The following RANBP2 variants were observed in gnomAD, a reference collection of about 807,000 sequenced individuals.
RANBP2 encodes RAN binding protein 2.
RANBP2 carries 57 observed loss-of-function variants against 303.6 expected under a neutral mutation model. That is an observed-to-expected ratio of 0.19 (90% CI 0.15 to 0.23). The LOEUF (loss-of-function observed/expected upper bound fraction) is 0.23, where lower values mean the gene tolerates loss of function less well. Among genes scored for constraint, RANBP2 ranks in the 10% least tolerant of loss-of-function variants. The pLI, the probability that RANBP2 is intolerant of heterozygous loss-of-function variation, is 1.00. For synonymous variants in RANBP2, 1,167 were observed against 1,301.5 expected (o/e 0.90, Z 2.23); for missense variants, 3,138 against 3,780.8 (o/e 0.83, Z 4.46).
chr2:109,089,350 C>T, the RANBP2 span, among the ~76,000 whole-genome samples: 1 of 152,106 alleles, frequency 6.6e-6, no homozygotes, highest in East Asian at 1.9e-4. Context: ...TGCCTGTAAT[C>T]CCAGCACTTT....
the RANBP2 span, chr2:108,812,928 G>T: frequency 1.2e-6 from 2 of 1,612,974 alleles, no homozygotes; most frequent in Non-Finnish European, 1.7e-6. Context: ...AACTTACAAG[G>T]TAAGTTTGAA....
At chr2:108,854,557 GAGGTCTGTTAGACT>G in the RANBP2 span, among the ~76,000 whole-genome samples, 1 of 152,116 alleles carries the variant, frequency 6.6e-6, no homozygotes, top group South Asian at 2.1e-4. Context: ...GATCAGAATT[GAGGTCTGTTAGACT>G]ACATTAGTTG....
At chr2:108,771,612 A>G in intron 20 of RANBP2, 89 bp from the exon 21 acceptor site, 2 of 1,583,424 alleles carry the variant, frequency 1.3e-6, no homozygotes, top group Non-Finnish European at 1.7e-6. Flanking sequence ...TAACCTATAG[A>G]TAGGTTCCAT....
chr2:109,634,075 G>A, the RANBP2 span, among the ~76,000 whole-genome samples: 4,178 of 128,536 alleles, frequency 0.033, 73 homozygotes, highest in South Asian at 0.083. Context: ...AGCCGAGGTC[G>A]CGCCACTGCA....
chr2:109,467,077 G>A, the RANBP2 span, among the ~76,000 whole-genome samples: 2 of 152,210 alleles, frequency 1.3e-5, no homozygotes, highest in South Asian at 2.1e-4. Flanking sequence ...CAACTACTTG[G>A]GAAAATGGTT....
the RANBP2 span, among the ~76,000 whole-genome samples, chr2:109,088,624 G>T: frequency 2.6e-5 from 4 of 151,888 alleles, no homozygotes; most frequent in Admixed American, 2.6e-4. Context: ...AGGTTCTCAC[G>T]CCTCAGCCTC....
chr2:109,586,661 G>C, the RANBP2 span, among the ~76,000 whole-genome samples: 1 of 152,172 alleles, frequency 6.6e-6, no homozygotes, highest in Admixed American at 6.5e-5. Context: ...ATGGGAATTG[G>C]GAGGAGCTAT....
Position 108,740,640 on chromosome 2 carries a change from C to A in RANBP2, c.934C>A (p.Leu312Ile), listed in dbSNP as rs1326403705. 1.9e-6 allele frequency: 3 copies of A among 1,597,398 alleles called. No individual in the cohort carries two copies. The highest frequency in any genetic ancestry group is 2.5e-6 in the Non-Finnish European group (3 of 1,179,780). The stretch of plus-strand genomic sequence containing the variant: ...TAGTAGTAATGTTCAATGGCGAGCT[C>A]TTTCTGAGCTGGCTGCATTGTGCTA... ...QHSSNVQWRA[L>I]SELAALCYLI... The change falls in exon 7 of 29, where the codon CTT becomes ATT. Residue 312 changes from leucine to isoleucine, a missense_variant. Transcript: ENST00000283195.
the RANBP2 span, among the ~76,000 whole-genome samples, chr2:109,226,574 C>T: frequency 4.5e-3 from 690 of 152,288 alleles, 5 homozygotes; most frequent in Non-Finnish European, 6.1e-3. Flanking sequence ...GACTTTGTGG[C>T]TCATCACTCT....
At chr2:108,832,564 C>T in the RANBP2 span, among the ~76,000 whole-genome samples, 1 of 152,240 alleles carries the variant, frequency 6.6e-6, no homozygotes, top group Admixed American at 6.5e-5. Context: ...TCAGGCTGGT[C>T]TGGAACTCCT....
chr2:109,316,930 T>A, the RANBP2 span, among the ~76,000 whole-genome samples: 47,453 of 152,078 alleles, frequency 0.31, 9,186 homozygotes, highest in African/African-American at 0.55. Flanking sequence ...GGCTTCTCTC[T>A]CTTAGTAATT....
chr2:109,076,971 T>C, the RANBP2 span, among the ~76,000 whole-genome samples: 2 of 150,410 alleles, frequency 1.3e-5, no homozygotes, highest in South Asian at 2.1e-4. Context: ...TTAGAGTCAT[T>C]GCACTCCCTG....
the RANBP2 span, among the ~76,000 whole-genome samples, chr2:108,797,985 T>C: frequency 6.7e-6 from 1 of 148,962 alleles, no homozygotes; most frequent in Non-Finnish European, 1.5e-5. Context: ...TTTTCTCCAG[T>C]GGTACTTAGC....
the RANBP2 span, among the ~76,000 whole-genome samples, chr2:109,719,518 T>G: frequency 6.6e-6 from 1 of 151,714 alleles, no homozygotes; most frequent in African/African-American, 2.4e-5. Flanking sequence ...GCAATTCTCC[T>G]GCCTCAGCCT....
chr2:109,671,645 A>G, the RANBP2 span, among the ~76,000 whole-genome samples: 9 of 152,090 alleles, frequency 5.9e-5, no homozygotes, highest in Admixed American at 2.6e-4. Context: ...AGGGGTGACA[A>G]TTTAGGGGGT....
At chr2:108,972,867 T>G in the RANBP2 span, among the ~76,000 whole-genome samples, 5 of 152,256 alleles carry the variant, frequency 3.3e-5, no homozygotes, top group African/African-American at 1.2e-4. Context: ...TTTGCCTTCT[T>G]GAACTTTCTT....
the RANBP2 span, among the ~76,000 whole-genome samples, chr2:108,851,362 C>T: frequency 2.6e-5 from 4 of 152,086 alleles, no homozygotes; most frequent in East Asian, 1.9e-4. Context: ...AGTGCAATGG[C>T]GTGATCTTGG....
the RANBP2 span, among the ~76,000 whole-genome samples, chr2:109,011,208 C>T: frequency 6.6e-6 from 1 of 152,126 alleles, no homozygotes; most frequent in African/African-American, 2.4e-5. Context: ...AGCTTATATT[C>T]TTGTTTCTGT....
the RANBP2 span, among the ~76,000 whole-genome samples, chr2:109,450,860 A>T: frequency 1.3e-5 from 2 of 152,296 alleles, no homozygotes; most frequent in African/African-American, 4.8e-5. Context: ...GATTCTGCAG[A>T]TCTTTTGACA....
Sources: allele counts gnomAD v4.1 joint callset (sites outside exome capture counted in the v4.1 genomes callset), GRCh38; gene constraint gnomAD v4.1.1; transcripts MANE v1.5; gene names NCBI Gene and HGNC (gene_info 2026-07-23, HGNC 2026-07-21).